MGAT4C: variants seen among roughly 807,000 people sequenced by gnomAD.
MGAT4C encodes MGAT4 family member C.
In MGAT4C, 19 loss-of-function variants were observed where a neutral mutation model predicts 40.1. The observed-to-expected ratio is 0.47, with a 90% CI of 0.33 to 0.70. The LOEUF (loss-of-function observed/expected upper bound fraction) is 0.70. Among genes scored for constraint, MGAT4C ranks in the 30% least tolerant of loss-of-function variants. The pLI is 0.02. For missense variants in MGAT4C, 491 were observed against 563.2 expected (o/e 0.87, Z 1.30); for synonymous variants, 181 against 187.1 (o/e 0.97, Z 0.27).
intron 3 of MGAT4C, among the ~76,000 whole-genome samples, chr12:86,334,471 T>C (rs755524070): frequency 1.3e-5 from 2 of 152,252 alleles, no homozygotes; most frequent in African/African-American, 2.4e-5. Flanking sequence ...AAATAAGCCA[T>C]GTAACTTAGA....
chr12:86,308,227 T>TA (rs1953988016), intron 4 of MGAT4C, among the ~76,000 whole-genome samples: 1 of 150,630 alleles, frequency 6.6e-6, no homozygotes, highest in East Asian at 1.9e-4. Flanking sequence ...TGAAATATCT[T>TA]AAAAAATTTG....
intron 1 of MGAT4C, among the ~76,000 whole-genome samples, chr12:86,077,477 T>A (rs1869968545): frequency 6.6e-6 from 1 of 152,278 alleles, no homozygotes; most frequent in Admixed American, 6.5e-5. Context: ...CACAAAGATG[T>A]TTTTAACAAA....
chr12:86,375,818 T>A (rs1398767486), intron 3 of MGAT4C, among the ~76,000 whole-genome samples: 2 of 152,088 alleles, frequency 1.3e-5, no homozygotes, highest in African/African-American at 2.4e-5. Context: ...ATCTTTGGAA[T>A]GTGTTTCACT....
At chr12:86,721,299 C>T (rs182517041) in intron 2 of MGAT4C, among the ~76,000 whole-genome samples, 9 of 151,942 alleles carry the variant, frequency 5.9e-5, no homozygotes, top group Admixed American at 5.3e-4. Context: ...AGATTTTAGT[C>T]AAGGCTTGGG....
chr12:86,103,052 A>AT (rs919101941), intron 1 of MGAT4C, among the ~76,000 whole-genome samples: 1 of 152,236 alleles, frequency 6.6e-6, no homozygotes, highest in East Asian at 1.9e-4. Flanking sequence ...CATTTCAAGT[A>AT]TTTTTGGCAT....
At chr12:86,703,713 T>C (rs1240476860) in intron 2 of MGAT4C, among the ~76,000 whole-genome samples, 1 of 152,192 alleles carries the variant, frequency 6.6e-6, no homozygotes, top group African/African-American at 2.4e-5. Flanking sequence ...ATATTCACTT[T>C]ATTGTTGTTG....
rs574891044 is a variant in MGAT4C at position 86,746,088 on chromosome 12, T to C, written c.-261-18847A>G. 9.9e-5 allele frequency among the ~76,000 whole-genome samples: 15 copies of C among 151,800 alleles called. No homozygotes were observed. The South Asian group carries it at 2.7e-3, about 27-fold the overall frequency. Reference sequence around the variant, plus strand: ...GAAAGCTGGCATCCACATTTCCCAGTGAGTAGTCAATGCAGTGAAATTCTC... The same window carrying C: ...GAAAGCTGGCATCCACATTTCCCAGCGAGTAGTCAATGCAGTGAAATTCTC... On this transcript the variant is annotated intron_variant, in intron 1 of 7. Transcript: ENST00000548651.
intron 1 of MGAT4C, among the ~76,000 whole-genome samples, chr12:86,107,235 C>T (rs530580210): frequency 8.5e-5 from 13 of 152,264 alleles, no homozygotes; most frequent in African/African-American, 3.1e-4. Flanking sequence ...TTTAAACATT[C>T]TTGTTTCAAA....
At chr12:86,588,279 A>G (rs1204337551) in intron 2 of MGAT4C, among the ~76,000 whole-genome samples, 1 of 152,014 alleles carries the variant, frequency 6.6e-6, no homozygotes, top group East Asian at 1.9e-4. Flanking sequence ...CAGACTTTAA[A>G]CCAAAAAAGA....
intron 1 of MGAT4C, among the ~76,000 whole-genome samples, chr12:86,805,458 CAT>C (rs1952333577): frequency 6.6e-6 from 1 of 151,870 alleles, no homozygotes; most frequent in South Asian, 2.1e-4. Flanking sequence ...ATGAGTGAAA[CAT>C]GTGGTATTTG....
intron 1 of MGAT4C, among the ~76,000 whole-genome samples, chr12:86,217,373 A>G (rs978370408): frequency 2.0e-5 from 3 of 152,074 alleles, no homozygotes; most frequent in African/African-American, 7.2e-5. Flanking sequence ...ACGTGGTTTC[A>G]CCATGTTGGC....
intron 2 of MGAT4C, chr12:86,013,776 A>T: frequency 1.0e-6 from 1 of 983,902 alleles, no homozygotes; most frequent in African/African-American, 1.7e-5. Flanking sequence ...AAAAAAAAAA[A>T]AAAGACTTTC....
chr12:86,373,746 A>G (rs1955767438), intron 3 of MGAT4C, among the ~76,000 whole-genome samples: 1 of 151,894 alleles, frequency 6.6e-6, no homozygotes. Context: ...AACACAGTGA[A>G]GGGGTCAATA....
At chr12:86,747,174 A>C (rs1951165349) in intron 1 of MGAT4C, among the ~76,000 whole-genome samples, 1 of 151,672 alleles carries the variant, frequency 6.6e-6, no homozygotes. Context: ...AGTGAGGATT[A>C]AATGAGTTAA....
At chr12:86,552,889 T>C (rs1205920582) in intron 2 of MGAT4C, among the ~76,000 whole-genome samples, 1 of 152,150 alleles carries the variant, frequency 6.6e-6, no homozygotes, top group Non-Finnish European at 1.5e-5. Flanking sequence ...ACCATTACTT[T>C]TAATGCCATT....
At chr12:86,794,704 C>T (rs1224043880) in intron 1 of MGAT4C, among the ~76,000 whole-genome samples, 11 of 151,910 alleles carry the variant, frequency 7.2e-5, no homozygotes, top group East Asian at 1.9e-4. Context: ...ACTCTTCTTT[C>T]GCTTTCCTAG....
In MGAT4C at chr12:85,979,395, C is replaced by A. The variant is rs1287774088; in HGVS notation, c.1331G>T (p.Gly444Val). 1 of 1,612,946 alleles carries A rather than the reference C, an allele frequency of 6.2e-7. No homozygotes were observed. The highest frequency in any genetic ancestry group is 1.7e-5 in the Admixed American group (1 of 59,850). Reference sequence around the variant, plus strand: ...ATCAAATGGAATTTTTTGATTTACACCTGACATTTCAAAGTTTCCATTTTT... The same window carrying A: ...ATCAAATGGAATTTTTTGATTTACAACTGACATTTCAAAGTTTCCATTTTT... ...EFKNGNFEMSGVNQKIPFDIH... is the reference protein window; with the variant it reads ...EFKNGNFEMSVVNQKIPFDIH... The change falls in exon 5 of 5, where the codon GGT becomes GTT. Residue 444 changes from glycine to valine, a missense_variant. Transcript: ENST00000611864.
intron 3 of MGAT4C, among the ~76,000 whole-genome samples, chr12:86,418,433 T>C (rs1016409107): frequency 2.0e-5 from 3 of 151,882 alleles, no homozygotes; most frequent in African/African-American, 7.3e-5. Context: ...TGAAACTCCA[T>C]CTCTACCAAA....
At chr12:86,786,253 A>C (rs1201358805) in intron 1 of MGAT4C, among the ~76,000 whole-genome samples, 1 of 152,142 alleles carries the variant, frequency 6.6e-6, no homozygotes, top group African/African-American at 2.4e-5. Context: ...AACACAGATA[A>C]TGTTGGTTGT....
Sources: allele counts gnomAD v4.1 joint callset (sites outside exome capture counted in the v4.1 genomes callset), GRCh38; gene constraint gnomAD v4.1.1; transcripts MANE v1.5; gene names NCBI Gene and HGNC (gene_info 2026-07-23, HGNC 2026-07-21).